Variants in NIPSNAP2 observed in about 807,000 individuals in gnomAD.
The protein encoded by NIPSNAP2 is nipsnap homolog 2.
In NIPSNAP2, 42 loss-of-function variants were observed where a neutral mutation model predicts 48.4. The observed-to-expected ratio is 0.87, with a 90% confidence interval of 0.68 to 1.12. NIPSNAP2 has a LOEUF of 1.12. Among genes scored for constraint, NIPSNAP2 ranks in the 50% most tolerant of loss-of-function variants. The probability of loss-of-function intolerance (pLI) is 0.00; values close to 1 mark genes in which losing one functional copy is unlikely to be tolerated. For missense variants in NIPSNAP2, 314 were observed against 347.3 expected (o/e 0.90, Z 0.76); for synonymous variants, 158 against 126.6 (o/e 1.25, Z -1.67).
chr7:55,964,601 C>G lies in NIPSNAP2; in HGVS notation c.-9C>G. Reference sequence around the variant, plus strand: ...CGCCCGGGCGGTGGGAGCCGAGGCGCCGAGCAAGATGGCGGCGCGAGTGCT... The same window carrying G: ...CGCCCGGGCGGTGGGAGCCGAGGCGGCGAGCAAGATGGCGGCGCGAGTGCT... On this transcript the variant is annotated 5_prime_UTR_variant, in exon 1 of 10. Transcript: ENST00000322090. 2 of 1,017,722 alleles carry G rather than the reference C, an allele frequency of 2.0e-6. No homozygotes were observed. Among genetic ancestry groups the G allele is most frequent in the Non-Finnish European group, 2.3e-6 (2 of 852,330 alleles). 63.0% of individuals were successfully genotyped at this position (1,017,722 alleles called of 1,614,324 possible).
At chr7:55,977,214 A>AAC (rs111469082) in intron 1 of NIPSNAP2, among the ~76,000 whole-genome samples, 83 of 152,012 alleles carry the variant, frequency 5.5e-4, no homozygotes, top group African/African-American at 1.9e-3. Flanking sequence ...AACACAGTGA[A>AAC]ACCCCATCTC....
chr7:55,972,940 A>C (rs905532674), intron 1 of NIPSNAP2, among the ~76,000 whole-genome samples: 3 of 151,956 alleles, frequency 2.0e-5, no homozygotes, highest in Non-Finnish European at 2.9e-5. Context: ...CTGTCTCTAC[A>C]AAAAAATACA....
intron 9 of NIPSNAP2, 94 bp from the exon 10 acceptor site, chr7:55,998,914 A>C (rs1040717801): frequency 1.9e-6 from 2 of 1,028,212 alleles, no homozygotes; most frequent in African/African-American, 3.1e-5. Flanking sequence ...CAAGCAGCAC[A>C]TCTGTGAACA....
intron 3 of NIPSNAP2, chr7:55,981,142 T>G (rs1212269464): frequency 6.2e-6 from 1 of 160,892 alleles, no homozygotes; most frequent in Admixed American, 6.4e-5. Context: ...TTTTTGGTGA[T>G]GTCGTTTTTT....
chr7:55,996,182 A>T (rs1787559546), intron 8 of NIPSNAP2, among the ~76,000 whole-genome samples: 1 of 151,566 alleles, frequency 6.6e-6, no homozygotes, highest in Admixed American at 6.6e-5. Context: ...GGTACACAAG[A>T]TGCTGAGGCA....
intron 7 of NIPSNAP2, among the ~76,000 whole-genome samples, chr7:55,992,401 G>C (rs994548910): frequency 6.6e-6 from 1 of 152,128 alleles, no homozygotes; most frequent in Non-Finnish European, 1.5e-5. Flanking sequence ...GGGGCAGGAG[G>C]CTCCCTCGAG....
intron 7 of NIPSNAP2, among the ~76,000 whole-genome samples, chr7:55,988,496 C>T (rs1480476246): frequency 6.6e-6 from 1 of 152,016 alleles, no homozygotes; most frequent in Non-Finnish European, 1.5e-5. Flanking sequence ...AGAAAGTGGA[C>T]CCTTCCGATA....
chr7:55,970,679 C>T (rs557046346), intron 1 of NIPSNAP2, among the ~76,000 whole-genome samples: 1 of 152,258 alleles, frequency 6.6e-6, no homozygotes, highest in African/African-American at 2.4e-5. Context: ...GCCCTCGCCT[C>T]GCCCTCACGG....
rs964204529 is a variant in NIPSNAP2 at position 55,999,405 on chromosome 7, A to T, written c.*333A>T. 2 of 197,282 alleles carry T rather than the reference A, an allele frequency of 1.0e-5. No individual in the cohort carries two copies. Among genetic ancestry groups the T allele is most frequent in the Non-Finnish European group, 2.0e-5 (2 of 98,316 alleles). 12.2% of individuals were successfully genotyped at this position (197,282 alleles called of 1,614,324 possible). A position where few individuals can be genotyped will look rare whatever the true frequency, so the allele number is the denominator to read the frequency against. ...AAATAAGATTCCAACCACAAAAAAA[A>T]TTTAGCCATTTCTTTACTAAAAAAA... On this transcript the variant is annotated 3_prime_UTR_variant, in exon 10 of 10. Transcript: ENST00000322090.
intron 7 of NIPSNAP2, among the ~76,000 whole-genome samples, chr7:55,989,992 C>T (rs1314789440): frequency 6.6e-6 from 1 of 150,958 alleles, no homozygotes; most frequent in Non-Finnish European, 1.5e-5. Flanking sequence ...GTGGCGAGCA[C>T]CTGTAGTCCC....
chr7:55,982,340 A>T, intron 5 of NIPSNAP2, 60 bp downstream of exon 5: 1 of 1,005,704 alleles, frequency 9.9e-7, no homozygotes, highest in Non-Finnish European at 1.5e-6. Context: ...GTACAGAATT[A>T]AATGACTTTT....
intron 7 of NIPSNAP2, among the ~76,000 whole-genome samples, chr7:55,988,662 C>T (rs113131068): frequency 6.2e-4 from 94 of 152,126 alleles, no homozygotes; most frequent in African/African-American, 2.0e-3. Context: ...AATTCGAGAC[C>T]GACCTGGCCA....
At chr7:55,998,905 A>C in intron 9 of NIPSNAP2, 103 bp from the exon 10 acceptor site, 1 of 965,478 alleles carries the variant, frequency 1.0e-6, no homozygotes. Flanking sequence ...TCTTGTTTTC[A>C]AGCAGCACAT....
intron 8 of NIPSNAP2, among the ~76,000 whole-genome samples, chr7:55,995,288 C>T (rs1354207309): frequency 6.6e-6 from 1 of 152,162 alleles, no homozygotes; most frequent in African/African-American, 2.4e-5. Context: ...AGAGTGGTCC[C>T]AGCCTTTCTT....
intron 3 of NIPSNAP2, chr7:55,979,792 C>T (rs1283394529): frequency 1.1e-5 from 5 of 456,680 alleles, no homozygotes; most frequent in Admixed American, 9.4e-5. Context: ...AAAGACTTAA[C>T]TCCTGCCTGG....
intron 7 of NIPSNAP2, among the ~76,000 whole-genome samples, chr7:55,989,282 G>A (rs556393048): frequency 7.2e-5 from 11 of 152,260 alleles, no homozygotes; most frequent in African/African-American, 2.2e-4. Context: ...ATTTAATACC[G>A]TTTTTAGAAA....
chr7:55,980,177 C>G (rs1787184661), intron 3 of NIPSNAP2: 1 of 204,414 alleles, frequency 4.9e-6, no homozygotes, highest in South Asian at 9.2e-5. Context: ...TATTTCTGAA[C>G]ATTCATGAGT....
intron 1 of NIPSNAP2, among the ~76,000 whole-genome samples, chr7:55,967,228 C>A (rs150033746): frequency 6.6e-6 from 1 of 152,184 alleles, no homozygotes; most frequent in African/African-American, 2.4e-5. Context: ...TTTGGTTGTT[C>A]TTCTCCAGTC....
intron 1 of NIPSNAP2, among the ~76,000 whole-genome samples, chr7:55,966,460 A>G (rs1308539856): frequency 6.6e-6 from 1 of 152,092 alleles, no homozygotes; most frequent in Non-Finnish European, 1.5e-5. Context: ...ATAAGTACAT[A>G]AATAAAAATT....
Sources: allele counts gnomAD v4.1 joint callset (sites outside exome capture counted in the v4.1 genomes callset), GRCh38; gene constraint gnomAD v4.1.1; transcripts MANE v1.5; gene names NCBI Gene and HGNC (gene_info 2026-07-23, HGNC 2026-07-21).